DAZL: variants seen among roughly 807,000 people sequenced by gnomAD.
The protein encoded by DAZL is deleted in azoospermia like, also known as deleted in azoospermia-like.
Under a neutral mutation model 45.0 loss-of-function variants are expected in DAZL, and 4 were observed. That is an observed-to-expected ratio of 0.09 (90% CI 0.04 to 0.20). The LOEUF (loss-of-function observed/expected upper bound fraction) is 0.20. DAZL is among the 10% of genes least tolerant of loss of function. The pLI is 1.00. For synonymous variants in DAZL, 122 were observed against 112.4 expected (o/e 1.09, Z -0.54); for missense variants, 326 against 351.3 (o/e 0.93, Z 0.58).
At chr3:16,600,270 A>T (rs1321622185) in intron 1 of DAZL, among the ~76,000 whole-genome samples, 1 of 152,194 alleles carries the variant, frequency 6.6e-6, no homozygotes, top group Non-Finnish European at 1.5e-5. Context: ...AATTAATAAG[A>T]AAGTAGAGTT....
At chr3:16,594,748 G>A (rs1444623799) in intron 7 of DAZL, among the ~76,000 whole-genome samples, 165 bp from the exon 8 acceptor site, 1 of 151,816 alleles carries the variant, frequency 6.6e-6, no homozygotes, top group Non-Finnish European at 1.5e-5. Flanking sequence ...AATCCCTGAT[G>A]TTCTTGTTAC....
At chr3:16,604,267 C>G (rs953362396) in intron 1 of DAZL, among the ~76,000 whole-genome samples, 4 of 152,180 alleles carry the variant, frequency 2.6e-5, no homozygotes, top group African/African-American at 9.7e-5. Flanking sequence ...AGAGCTGCAT[C>G]TTGTGGTGGC....
At chr3:16,595,523 G>A (rs927596933) in intron 6 of DAZL, 138 bp from the exon 7 acceptor site, 3 of 544,012 alleles carry the variant, frequency 5.5e-6, no homozygotes, top group Admixed American at 3.4e-5. Context: ...CTAAATGCAT[G>A]ACTGACTTTA....
rs1694453380 is a variant in DAZL, at chr3:16,587,395, C to G, written c.*1265G>C. 6.6e-6 allele frequency: 1 copy of G among 152,500 alleles called. No homozygotes were observed. The highest frequency in any genetic ancestry group is 2.1e-4 in the South Asian group (1 of 4,824). The allele number at this position is 152,500 out of a possible 1,614,324, so 9.4% of individuals were successfully genotyped here. A position where few individuals can be genotyped will look rare whatever the true frequency, so the allele number is the denominator to read the frequency against. On this transcript the variant is annotated 3_prime_UTR_variant, in exon 11 of 11. Coordinates refer to ENST00000399444, the MANE Select transcript of DAZL (RefSeq NM_001351.4). ...TTTCCCTTAGAAAGGTATTATATCC[C>G]ATTGCTACCGTTCCAGGGTTTGGCC...
chr3:16,596,647 A>G, intron 6 of DAZL, 103 bp downstream of exon 6: 3 of 1,280,456 alleles, frequency 2.3e-6, no homozygotes, highest in Non-Finnish European at 3.4e-6. Flanking sequence ...AAAGTATTCA[A>G]ACAGGGATGC....
intron 10 of DAZL, among the ~76,000 whole-genome samples, chr3:16,590,182 T>C (rs1367291412): frequency 1.5e-5 from 2 of 133,824 alleles, no homozygotes; most frequent in African/African-American, 5.0e-5. Flanking sequence ...TGATATACAA[T>C]TTCAGTTCCT....
chr3:16,596,645 C>CA, intron 6 of DAZL, 105 bp downstream of exon 6: 1 of 1,260,592 alleles, frequency 7.9e-7, no homozygotes, highest in Non-Finnish European at 1.2e-6. Context: ...TCAAAGTATT[C>CA]AAACAGGGAT....
At position 16,595,383 on chromosome 3, in the gene DAZL, T is replaced by G; in HGVS notation, c.501A>C (p.Ala167=). 6.4e-7 allele frequency: 1 copy of G among 1,562,664 alleles called. No homozygotes were observed. Among genetic ancestry groups the G allele is most frequent in the South Asian group, 1.2e-5 (1 of 84,672 alleles). ...TMNPITQYVQ[A]YPTYPNSPVQ... ...CTGGTGAATTTGGGTAAGTAGGATATGCCTGAAAATCAAGTTTACAGAAAG... is the reference window on the plus strand; with the variant it reads ...CTGGTGAATTTGGGTAAGTAGGATAGGCCTGAAAATCAAGTTTACAGAAAG... The change falls in exon 7 of 11, where the codon GCA becomes GCC. Residue 167 remains alanine (A), a splice_region_variant and synonymous_variant. Coordinates refer to ENST00000399444, the MANE Select transcript of DAZL (RefSeq NM_001351.4).
At chr3:16,590,095 C>CT (rs1416125794) in intron 10 of DAZL, among the ~76,000 whole-genome samples, 8 of 152,092 alleles carry the variant, frequency 5.3e-5, no homozygotes, top group African/African-American at 1.7e-4. Context: ...CCACAGAAGA[C>CT]TATCTTCTGC....
chr3:16,588,632 TCCCA>T lies in DAZL; in HGVS notation c.*24_*27del. On this transcript the variant is annotated 3_prime_UTR_variant, in exon 11 of 11. Coordinates refer to ENST00000399444, the MANE Select transcript of DAZL (RefSeq NM_001351.4). ...AGCTTAATATTCAAAACCAGCAACT[TCCCA>T]TGTAACTAGATAAGCCAGGAGGATC... 1 of 1,581,922 alleles carries T rather than the reference TCCCA, an allele frequency of 6.3e-7. No homozygotes were observed.
chr3:16,599,030 G>A (rs1164262089), intron 1 of DAZL, among the ~76,000 whole-genome samples: 2 of 151,992 alleles, frequency 1.3e-5, no homozygotes, highest in African/African-American at 4.8e-5. Context: ...TGATCCACCC[G>A]CCTTGGCCTC....
At chr3:16,598,323 C>T in intron 2 of DAZL, 129 bp downstream of exon 2, 3 of 1,435,282 alleles carry the variant, frequency 2.1e-6, no homozygotes, top group Non-Finnish European at 2.9e-6. Flanking sequence ...ATTTTTAGTA[C>T]CTATGGGTCA....
chr3:16,604,646 G>C, intron 1 of DAZL: 4 of 1,362,298 alleles, frequency 2.9e-6, no homozygotes, highest in Non-Finnish European at 2.8e-6. Flanking sequence ...CCAAGTACAG[G>C]GACCAGGAGG....
Position 16,600,235 on chromosome 3 carries a change from T to C in DAZL, c.4-1637A>G, listed in dbSNP as rs77962569. On this transcript the variant is annotated intron_variant, in intron 1 of 10. Transcript: ENST00000399444. Reference sequence around the variant, plus strand: ...ACAAAAGAAAGCAACTGTTATCTTTTTGAAAAGCACAGTAATTTTATAGGA... The same window carrying C: ...ACAAAAGAAAGCAACTGTTATCTTTCTGAAAAGCACAGTAATTTTATAGGA... Among the ~76,000 whole-genome samples, 273 of 152,326 alleles carry C rather than the reference T, an allele frequency of 1.8e-3. 2 individuals carry two copies. Among genetic ancestry groups the C allele is most frequent in the African/African-American group, 6.3e-3 (263 of 41,586 alleles).
At chr3:16,594,903 AACT>A (rs1694574833) in intron 7 of DAZL, among the ~76,000 whole-genome samples, 1 of 152,116 alleles carries the variant, frequency 6.6e-6, no homozygotes, top group Non-Finnish European at 1.5e-5. Flanking sequence ...AGTCTCAAAG[AACT>A]ACTATCATGA....
At chr3:16,599,796 T>G (rs1016399069) in intron 1 of DAZL, among the ~76,000 whole-genome samples, 1 of 152,114 alleles carries the variant, frequency 6.6e-6, no homozygotes, top group African/African-American at 2.4e-5. Flanking sequence ...TATAGCAGAG[T>G]GAAACAAAAA....
intron 1 of DAZL, among the ~76,000 whole-genome samples, chr3:16,602,774 G>C (rs1302941139): frequency 6.6e-6 from 1 of 152,080 alleles, no homozygotes; most frequent in East Asian, 1.9e-4. Context: ...CAGAAATAGA[G>C]ACATCTTATT....
chr3:16,594,647 CGA>C, intron 7 of DAZL, 64 bp from the exon 8 acceptor site: 1 of 1,135,166 alleles, frequency 8.8e-7, no homozygotes, highest in East Asian at 2.5e-5. Context: ...CAAAAACACA[CGA>C]GATACACAAT....
intron 1 of DAZL, among the ~76,000 whole-genome samples, chr3:16,600,152 T>C (rs1360209526): frequency 6.6e-6 from 1 of 152,172 alleles, no homozygotes; most frequent in South Asian, 2.1e-4. Flanking sequence ...AAAAGGTAAC[T>C]ACAAAAAGCT....
Sources: gnomAD v4.1 joint callset for allele counts (sites outside exome capture counted in the v4.1 genomes callset) on GRCh38, gnomAD v4.1.1 for gene constraint, MANE v1.5 for transcripts, NCBI Gene and HGNC (gene_info 2026-07-23, HGNC 2026-07-21) for gene names.